Variants in CFAP47 observed in about 807,000 individuals in gnomAD.
CFAP47 encodes cilia- and flagella-associated protein 47.
Under a neutral mutation model 148.1 loss-of-function variants are expected in CFAP47, and 29 were observed. The observed-to-expected ratio is 0.20, with a 90% confidence interval of 0.15 to 0.27. CFAP47 has a LOEUF of 0.27. CFAP47 is among the 10% of genes least tolerant of loss of function. The probability of loss-of-function intolerance (pLI) is 1.00; values close to 1 mark genes in which losing one functional copy is unlikely to be tolerated. For synonymous variants in CFAP47, 664 were observed against 577.3 expected (o/e 1.15, Z -2.15); for missense variants, 1,872 against 1,697.5 (o/e 1.10, Z -1.81).
Position 36,104,642 on chromosome X carries a change from C to T in CFAP47, c.5271C>T (p.Asn1757=), listed in dbSNP as rs372307384. The T allele has an allele frequency of 1.6e-5, 15 of 926,317 alleles. No individual in the cohort carries two copies. The East Asian group carries it at 4.1e-4, about 25-fold the overall frequency. 76.3% of individuals were successfully genotyped at this position (926,317 alleles called of 1,213,427 possible). A position where few individuals can be genotyped will look rare whatever the true frequency, so the allele number is the denominator to read the frequency against. ...AAAGAATTTTGCTTAGTTGGATGAA[C>T]ATAAATTATGAGAATACTCGACATG... ...DSERILLSWM[N]INYENTRHVI... is the part of the protein sequence containing the mutation. Residue 1757 remains asparagine, a synonymous_variant, in exon 33 of 64, where the codon AAC becomes AAT. Coordinates refer to ENST00000378653, the MANE Select transcript of CFAP47 (RefSeq NM_001304548.2).
chrX:36,024,819 T>G (rs764241048), intron 22 of CFAP47, among the ~76,000 whole-genome samples: 1 of 111,825 alleles, frequency 8.9e-6, no homozygotes, highest in African/African-American at 3.2e-5. Context: ...TTCAGTGTTA[T>G]GAAGTTGAAA....
intron 39 of CFAP47, among the ~76,000 whole-genome samples, chrX:36,168,861 G>C (rs1482235070): frequency 8.9e-6 from 1 of 112,242 alleles, no homozygotes; most frequent in Non-Finnish European, 1.9e-5. Flanking sequence ...TTGTGGTTTT[G>C]ATTAATTTCT....
chrX:36,111,490 T>C (rs1938553899), intron 33 of CFAP47, among the ~76,000 whole-genome samples: 1 of 112,302 alleles, frequency 8.9e-6, no homozygotes, highest in Admixed American at 9.5e-5. Context: ...GACATGCTGC[T>C]GAATTCAGTT....
intron 26 of CFAP47, among the ~76,000 whole-genome samples, chrX:36,051,791 C>T (rs766493552): frequency 9.0e-6 from 1 of 110,922 alleles, no homozygotes; most frequent in African/African-American, 3.3e-5. Context: ...TGTGGTTTGG[C>T]TATGTCTCTA....
At chrX:36,344,086 G>C (rs1161120550) in intron 57 of CFAP47, among the ~76,000 whole-genome samples, 2 of 108,180 alleles carry the variant, frequency 1.8e-5, no homozygotes, top group African/African-American at 3.4e-5. Flanking sequence ...TAAGTGGGGT[G>C]GGGGGAGTGG....
intron 39 of CFAP47, among the ~76,000 whole-genome samples, chrX:36,171,233 C>T (rs2090344756): frequency 9.4e-6 from 1 of 106,483 alleles, no homozygotes; most frequent in African/African-American, 3.5e-5. Context: ...AAAATTTTCT[C>T]CCATTTTGTA....
At chrX:36,125,401 A>G (rs917069094) in intron 33 of CFAP47, among the ~76,000 whole-genome samples, 8 of 111,260 alleles carry the variant, frequency 7.2e-5, no homozygotes, top group East Asian at 5.7e-4. Flanking sequence ...GGAAATGTTT[A>G]TCACTCACAA....
chrX:36,232,221 C>T (rs374318889), intron 46 of CFAP47, among the ~76,000 whole-genome samples: 1 of 111,123 alleles, frequency 9.0e-6, no homozygotes, highest in African/African-American at 3.3e-5. Flanking sequence ...TGGTAGAATT[C>T]GGCTGTGAAT....
At chrX:36,096,207 G>A (rs1938273114) in intron 30 of CFAP47, among the ~76,000 whole-genome samples, 1 of 111,174 alleles carries the variant, frequency 9.0e-6, no homozygotes, top group Non-Finnish European at 1.9e-5. Context: ...GTCAGAAGAT[G>A]CTTGATATAA....
At chrX:36,232,921 G>A (rs1165431500) in intron 46 of CFAP47, among the ~76,000 whole-genome samples, 1 of 111,872 alleles carries the variant, frequency 8.9e-6, no homozygotes, top group Non-Finnish European at 1.9e-5. Context: ...GTAATTGAGT[G>A]GTTTTGAGTG....
chrX:36,042,774 A>T (rs1937422032), intron 25 of CFAP47, among the ~76,000 whole-genome samples: 1 of 111,861 alleles, frequency 8.9e-6, no homozygotes, highest in Non-Finnish European at 1.9e-5. Flanking sequence ...TGTGACTTCA[A>T]TAAAAATTCA....
chrX:35,972,333 G>A (rs1202118554), intron 13 of CFAP47, among the ~76,000 whole-genome samples: 2 of 110,274 alleles, frequency 1.8e-5, no homozygotes, highest in African/African-American at 6.6e-5. Context: ...GGGTTCAAGC[G>A]ATTCTCCTGA....
rs769871386 is a variant in CFAP47, at chrX:35,945,686, C to CT, written c.518-2621dup. 1.7e-4 allele frequency among the ~76,000 whole-genome samples: 19 copies of CT among 110,912 alleles called. No individual in the cohort carries two copies. In the South Asian group the frequency reaches 2.3e-3, roughly 13 times the overall value. ...TACTACTTTTCTCTGCCCAATGCCACTTTTTTTACAAAAAGCCATTATCTT... is the reference window on the plus strand; with the variant it reads ...TACTACTTTTCTCTGCCCAATGCCACTTTTTTTTACAAAAAGCCATTATCTT... On this transcript the variant is annotated intron_variant, in intron 3 of 63. Coordinates refer to ENST00000378653, the MANE Select transcript of CFAP47 (RefSeq NM_001304548.2).
chrX:36,191,158 G>T (rs184341289), intron 42 of CFAP47, among the ~76,000 whole-genome samples: 2 of 111,537 alleles, frequency 1.8e-5, no homozygotes, highest in African/African-American at 6.5e-5. Flanking sequence ...TTTTAAAGGA[G>T]ATCAGGATTT....
rs754631800 is a variant in CFAP47, at chrX:35,967,810, A to G, written c.1792A>G (p.Lys598Glu). The G allele has an allele frequency of 5.8e-6, 7 of 1,200,856 alleles. No individual in the cohort carries two copies. The Admixed American group carries it at 8.9e-5, about 15-fold the overall frequency. Residue 598 changes from lysine (K) to glutamate (E), a missense_variant, in exon 10 of 64, where the codon AAA (lysine) becomes GAA (glutamate). Coordinates refer to ENST00000378653, the MANE Select transcript of CFAP47 (RefSeq NM_001304548.2). ...PNDRAATIRS[K>E]DHHKHFRPIF... The stretch of plus-strand genomic sequence containing the variant: ...TGACCGAGCTGCAACTATCAGGTCT[A>G]AAGACCATCATAAACATTTCAGGTA...
intron 22 of CFAP47, among the ~76,000 whole-genome samples, chrX:36,028,581 C>T (rs1937247291): frequency 9.0e-6 from 1 of 111,093 alleles, no homozygotes; most frequent in African/African-American, 3.3e-5. Context: ...ATATCTTTTA[C>T]TTCCTTGGTT....
intron 33 of CFAP47, among the ~76,000 whole-genome samples, chrX:36,120,179 T>G (rs1353839080): frequency 9.2e-6 from 1 of 108,345 alleles, no homozygotes; most frequent in Non-Finnish European, 1.9e-5. Context: ...TTTTTTTTTT[T>G]TTGTATTTTT....
Position 36,138,425 on chromosome X carries a change from A to C in CFAP47, c.5496A>C (p.Val1832=). 1 of 1,164,685 alleles carries C rather than the reference A, an allele frequency of 8.6e-7. No individual in the cohort carries two copies. The highest frequency in any genetic ancestry group is 1.1e-6 in the Non-Finnish European group (1 of 876,583). The part of the protein sequence containing the change: ...EEYLHNCLII[V]NTLYEIDFDV... ...ATCTGCACAATTGCCTGATTATTGT[A>C]AATACTCTTTATGAAATTGACTTTG... Residue 1832 remains valine, a synonymous_variant, in exon 35 of 64, where the codon GTA becomes GTC. Transcript: ENST00000378653.
intron 37 of CFAP47, among the ~76,000 whole-genome samples, chrX:36,152,093 A>G (rs1162806130): frequency 9.2e-6 from 1 of 108,898 alleles, no homozygotes; most frequent in East Asian, 2.8e-4. Context: ...TACCATCACA[A>G]TGGTGATTAG....
Sources: gnomAD v4.1 joint callset for allele counts (sites outside exome capture counted in the v4.1 genomes callset) on GRCh38, gnomAD v4.1.1 for gene constraint, MANE v1.5 for transcripts, NCBI Gene and HGNC (gene_info 2026-07-23, HGNC 2026-07-21) for gene names.